The following DCAF8L2 variants were observed in gnomAD, a reference collection of about 807,000 sequenced individuals.
The protein encoded by DCAF8L2 is DDB1- and CUL4-associated factor 8-like protein 2.
For missense variants in DCAF8L2, 430 were observed against 490.7 expected (o/e 0.88, Z 1.17); for synonymous variants, 200 against 190.9 (o/e 1.05, Z -0.39).
chrX:27,730,998 G>A (rs957077770), intron 4 of DCAF8L2, among the ~76,000 whole-genome samples: 3 of 111,149 alleles, frequency 2.7e-5, no homozygotes, highest in African/African-American at 9.8e-5. Flanking sequence ...ATCAAGTACG[G>A]TATCTTGAAC....
intron 1 of DCAF8L2, among the ~76,000 whole-genome samples, chrX:27,595,647 G>C (rs1926318188): frequency 8.9e-6 from 1 of 111,992 alleles, no homozygotes; most frequent in Admixed American, 9.5e-5. Context: ...GATGTAATCA[G>C]ACAAAAACAG....
rs1311861515 is a variant in DCAF8L2 at position 27,591,012 on chromosome X, T to TATATATATATATATATAA, written c.-342+575_-342+576insTATATATATATATAAATA. ...CATTTTATATATATATATATATATA[T>TATATATATATATATATAA]ATAAATAAATAATTTGATAGGTTAC... On this transcript the variant is annotated intron_variant, in intron 1 of 4. Coordinates refer to ENST00000451261, the MANE Select transcript of DCAF8L2 (RefSeq NM_001353450.2). Among the ~76,000 whole-genome samples the TATATATATATATATATAA allele has an allele frequency of 1.2e-4, 11 of 88,525 alleles. No individual in the cohort carries two copies. The East Asian group carries it at 2.0e-3, about 16-fold the overall frequency. 76.9% of individuals were successfully genotyped at this position (88,525 alleles called of 115,157 possible). A position where few individuals can be genotyped will look rare whatever the true frequency, so the allele number is the denominator to read the frequency against.
At chrX:27,591,583 T>C (rs1926094975) in intron 1 of DCAF8L2, among the ~76,000 whole-genome samples, 1 of 111,953 alleles carries the variant, frequency 8.9e-6, no homozygotes, top group African/African-American at 3.2e-5. Context: ...ACAAACATCT[T>C]TCTTTCATGG....
chrX:27,590,991 TTATATATA>T (rs10571931), intron 1 of DCAF8L2, among the ~76,000 whole-genome samples: 8,665 of 68,041 alleles, frequency 0.13, 871 homozygotes, highest in African/African-American at 0.32. Context: ...CCTTTACATT[TTATATATA>T]TATATATATA....
chrX:27,671,449 T>G (rs1602719123), intron 2 of DCAF8L2, among the ~76,000 whole-genome samples: 1 of 112,413 alleles, frequency 8.9e-6, no homozygotes, highest in East Asian at 2.8e-4. Flanking sequence ...TCTAATGTGC[T>G]TTAAAGCTTA....
chrX:27,671,283 C>A (rs1429442653), intron 2 of DCAF8L2, among the ~76,000 whole-genome samples: 3 of 111,922 alleles, frequency 2.7e-5, no homozygotes, highest in Non-Finnish European at 5.6e-5. Flanking sequence ...AAAAAATAAA[C>A]CTTCTGATTT....
the DCAF8L2 span, among the ~76,000 whole-genome samples, chrX:27,481,987 G>A: frequency 0.063 from 6,980 of 110,996 alleles, 526 homozygotes; most frequent in African/African-American, 0.21. Context: ...GTGCTTTCTT[G>A]GTAAGATAAG....
chrX:27,633,756 A>C (rs1382179622), intron 2 of DCAF8L2: 1 of 112,025 alleles, frequency 8.9e-6, no homozygotes, highest in East Asian at 2.8e-4. Flanking sequence ...TGACAAATTT[A>C]ACTTTGAGTC....
intron 2 of DCAF8L2, among the ~76,000 whole-genome samples, chrX:27,637,942 G>A (rs115138925): frequency 0.023 from 2,595 of 111,324 alleles, 67 homozygotes; most frequent in African/African-American, 0.078. Context: ...TCTCAGAGAA[G>A]TAGACACTAA....
chrX:27,626,196 C>T (rs746163200), intron 1 of DCAF8L2, among the ~76,000 whole-genome samples: 12 of 111,365 alleles, frequency 1.1e-4, no homozygotes, highest in African/African-American at 3.9e-4. Context: ...AAGTGCTCAT[C>T]TGACGGGAGC....
At chrX:27,525,976 A>G in the DCAF8L2 span, among the ~76,000 whole-genome samples, 3 of 110,993 alleles carry the variant, frequency 2.7e-5, no homozygotes, top group Non-Finnish European at 3.8e-5. Context: ...CTTCATTTCA[A>G]CTTTGGTGAA....
the DCAF8L2 span, among the ~76,000 whole-genome samples, chrX:27,482,143 T>A: frequency 8.1e-5 from 9 of 111,663 alleles, no homozygotes; most frequent in East Asian, 2.5e-3. Context: ...TTAAATCGAG[T>A]TATGCCTTTC....
intron 2 of DCAF8L2, among the ~76,000 whole-genome samples, chrX:27,646,909 A>G (rs1164697357): frequency 1.8e-5 from 2 of 111,685 alleles, no homozygotes; most frequent in Admixed American, 9.5e-5. Context: ...TCAAGAAACA[A>G]CAAATGCTGG....
In DCAF8L2 at chrX:27,711,489, C is replaced by T. The variant is rs370049837; in HGVS notation, c.-142-4599C>T. On this transcript the variant is annotated intron_variant, in intron 3 of 4. Coordinates refer to ENST00000451261, the MANE Select transcript of DCAF8L2 (RefSeq NM_001353450.2). ...CTTATATGTGTATATATATACATTCCTCTTGTCACACAAAAGTAACTATGT... is the reference window on the plus strand; with the variant it reads ...CTTATATGTGTATATATATACATTCTTCTTGTCACACAAAAGTAACTATGT... 3.8e-5 allele frequency among the ~76,000 whole-genome samples: 4 copies of T among 106,437 alleles called. No individual in the cohort carries two copies. The South Asian group carries it at 1.6e-3, about 43-fold the overall frequency. 92.4% of individuals were successfully genotyped at this position (106,437 alleles called of 115,157 possible).
At chrX:27,550,893 A>G in the DCAF8L2 span, among the ~76,000 whole-genome samples, 1 of 111,251 alleles carries the variant, frequency 9.0e-6, no homozygotes, top group Non-Finnish European at 1.9e-5. Flanking sequence ...TTTTTCCAAT[A>G]TTATGTGCTC....
chrX:27,624,465 A>G (rs1274496797), intron 1 of DCAF8L2, among the ~76,000 whole-genome samples: 1 of 110,780 alleles, frequency 9.0e-6, no homozygotes, highest in Non-Finnish European at 1.9e-5. Context: ...TGCTATTGCT[A>G]TCACTACTAA....
the DCAF8L2 span, among the ~76,000 whole-genome samples, chrX:27,522,713 A>G: frequency 8.0e-5 from 9 of 112,279 alleles, no homozygotes; most frequent in African/African-American, 2.9e-4. Flanking sequence ...CACTTAGCAT[A>G]ATGTCCTCAA....
At chrX:27,641,380 G>T (rs1356678058) in intron 2 of DCAF8L2, among the ~76,000 whole-genome samples, 1 of 110,462 alleles carries the variant, frequency 9.1e-6, no homozygotes. Flanking sequence ...GTAATTTAAA[G>T]ATATTGCTCC....
intron 3 of DCAF8L2, among the ~76,000 whole-genome samples, chrX:27,680,058 A>C (rs981492441): frequency 8.9e-5 from 10 of 111,819 alleles, no homozygotes; most frequent in African/African-American, 3.3e-4. Flanking sequence ...GTAGTAAAAA[A>C]ACTATCTCTC....
Sources: allele counts gnomAD v4.1 joint callset (sites outside exome capture counted in the v4.1 genomes callset), GRCh38; gene constraint gnomAD v4.1.1; transcripts MANE v1.5; gene names NCBI Gene and HGNC (gene_info 2026-07-23, HGNC 2026-07-21).